AFG2A: variants seen among roughly 807,000 people sequenced by gnomAD.
AFG2A encodes ATPase family gene 2 protein homolog A.
the AFG2A span, among the ~76,000 whole-genome samples, chr4:123,084,590 A>G: frequency 2.9e-3 from 416 of 143,296 alleles, 1 homozygote; most frequent in African/African-American, 7.8e-3. Flanking sequence ...GTATATATAT[A>G]TGTGTGTGTG....
the AFG2A span, among the ~76,000 whole-genome samples, chr4:123,204,999 T>G: frequency 3.3e-5 from 5 of 152,210 alleles, no homozygotes; most frequent in Non-Finnish European, 7.3e-5. Context: ...AGTTAAATAT[T>G]TACCAACTCT....
the AFG2A span, among the ~76,000 whole-genome samples, chr4:123,218,789 C>T: frequency 1.3e-5 from 2 of 152,134 alleles, no homozygotes; most frequent in African/African-American, 4.8e-5. Flanking sequence ...AGGATTAAAT[C>T]ACTCTAAGTT....
the AFG2A span, among the ~76,000 whole-genome samples, chr4:123,223,537 A>G: frequency 6.6e-6 from 1 of 152,194 alleles, no homozygotes; most frequent in Non-Finnish European, 1.5e-5. Context: ...GCAGAAGGCA[A>G]AGGGGAAGCA....
At chr4:123,288,431 A>AG in the AFG2A span, among the ~76,000 whole-genome samples, 1 of 152,162 alleles carries the variant, frequency 6.6e-6, no homozygotes, top group Non-Finnish European at 1.5e-5. Flanking sequence ...GAAACAGGAA[A>AG]GAAAGTTGAG....
At chr4:122,987,700 T>A in the AFG2A span, among the ~76,000 whole-genome samples, 1 of 152,208 alleles carries the variant, frequency 6.6e-6, no homozygotes, top group African/African-American at 2.4e-5. Context: ...ACTCTACTCT[T>A]TAATTTCTCC....
the AFG2A span, chr4:123,314,475 A>C: frequency 1.3e-5 from 2 of 152,826 alleles, no homozygotes; most frequent in African/African-American, 4.8e-5. Context: ...GGATATAAAA[A>C]AGTGTATGTG....
the AFG2A span, among the ~76,000 whole-genome samples, chr4:123,059,904 G>A: frequency 6.6e-6 from 1 of 152,204 alleles, no homozygotes; most frequent in Non-Finnish European, 1.5e-5. Context: ...CTGATGGCCA[G>A]TGATGGTGAG....
the AFG2A span, among the ~76,000 whole-genome samples, chr4:123,214,261 G>A: frequency 6.6e-6 from 1 of 152,052 alleles, no homozygotes; most frequent in African/African-American, 2.4e-5. Flanking sequence ...ACCAACAAAG[G>A]TCACTGGGGT....
chr4:123,102,798 CTGTGTGTGTGTGTGTGTG>C, the AFG2A span, among the ~76,000 whole-genome samples: 6 of 141,156 alleles, frequency 4.3e-5, no homozygotes, highest in South Asian at 2.4e-4. Context: ...TCCTGGCATT[CTGTGTGTGTGTGTGTGTG>C]TGTGTGTGTG....
chr4:122,967,205 C>A, the AFG2A span, among the ~76,000 whole-genome samples: 1 of 152,192 alleles, frequency 6.6e-6, no homozygotes, highest in Non-Finnish European at 1.5e-5. Flanking sequence ...GAGTTTGAGA[C>A]CAGCCTGGGC....
the AFG2A span, among the ~76,000 whole-genome samples, chr4:122,961,546 C>T: frequency 1.3e-5 from 2 of 152,108 alleles, no homozygotes; most frequent in African/African-American, 4.8e-5. Flanking sequence ...CGCTTTTTGC[C>T]CAGGCCGGAG....
the AFG2A span, among the ~76,000 whole-genome samples, chr4:123,111,571 T>G: frequency 6.6e-6 from 1 of 152,208 alleles, no homozygotes; most frequent in African/African-American, 2.4e-5. Flanking sequence ...CTATGTCTTA[T>G]CATGAATTTA....
the AFG2A span, among the ~76,000 whole-genome samples, chr4:123,070,544 C>T: frequency 6.6e-6 from 1 of 152,146 alleles, no homozygotes; most frequent in Non-Finnish European, 1.5e-5. Context: ...CTCACTGTGT[C>T]CTCACGTAGT....
chr4:122,929,136 A>G, the AFG2A span: 2 of 1,613,448 alleles, frequency 1.2e-6, no homozygotes, highest in Non-Finnish European at 1.7e-6. Context: ...TGGTGATGCC[A>G]TCCAGGTCCA....
At chr4:123,029,564 A>G in the AFG2A span, among the ~76,000 whole-genome samples, 2 of 152,204 alleles carry the variant, frequency 1.3e-5, no homozygotes, top group Non-Finnish European at 2.9e-5. Context: ...ATTGGAGAGT[A>G]AAGATGGGGG....
the AFG2A span, among the ~76,000 whole-genome samples, chr4:123,023,681 T>C: frequency 1.3e-5 from 2 of 152,140 alleles, no homozygotes; most frequent in African/African-American, 4.8e-5. Flanking sequence ...GCTTCTCTTG[T>C]CCACATTGGA....
At chr4:122,954,238 C>G in the AFG2A span, among the ~76,000 whole-genome samples, 1 of 152,164 alleles carries the variant, frequency 6.6e-6, no homozygotes. Flanking sequence ...CATCTTGAGT[C>G]TGGAGAGTAT....
chr4:123,090,850 G>T, the AFG2A span: 2 of 1,130,590 alleles, frequency 1.8e-6, no homozygotes, highest in Non-Finnish European at 1.2e-6. Context: ...ACTGTGGACT[G>T]GTTACCATCT....
the AFG2A span, among the ~76,000 whole-genome samples, chr4:122,929,427 C>T: frequency 1.3e-5 from 2 of 152,100 alleles, no homozygotes; most frequent in Admixed American, 1.3e-4. Flanking sequence ...GGCGCGGTGG[C>T]TTATGCCTGT....
Sources: gnomAD v4.1 joint callset for allele counts (sites outside exome capture counted in the v4.1 genomes callset) on GRCh38, gnomAD v4.1.1 for gene constraint, MANE v1.5 for transcripts, NCBI Gene and HGNC (gene_info 2026-07-23, HGNC 2026-07-21) for gene names.